Variants in NGEF observed in about 807,000 individuals in gnomAD.
NGEF encodes the protein neuronal guanine nucleotide exchange factor, also known as ephexin-1.
A neutral mutation model predicts 80.9 loss-of-function variants in NGEF; 31 were observed. The ratio of observed to expected loss-of-function variants is 0.38; its 90% confidence interval spans 0.29 to 0.52. The LOEUF is 0.52. NGEF is among the 20% of genes least tolerant of loss of function. The pLI, the probability that NGEF is intolerant of heterozygous loss-of-function variation, is 0.84. For synonymous variants in NGEF, 371 were observed against 370.2 expected (o/e 1.00, Z -0.03); for missense variants, 709 against 926.2 (o/e 0.77, Z 3.04).
intron 10 of NGEF, 53 bp downstream of exon 10, chr2:232,885,227 G>A (rs887113293): frequency 5.9e-6 from 9 of 1,517,946 alleles, no homozygotes; most frequent in South Asian, 2.3e-5. Context: ...CCTCTGGGGC[G>A]GGGCCAGGGG....
chr2:232,960,423 G>A (rs952539768), intron 3 of NGEF, among the ~76,000 whole-genome samples: 1 of 152,158 alleles, frequency 6.6e-6, no homozygotes, highest in Non-Finnish European at 1.5e-5. Flanking sequence ...CCTGTGGGCA[G>A]ATTCACAGGA....
intron 2 of NGEF, among the ~76,000 whole-genome samples, chr2:232,972,539 G>C: frequency 6.6e-6 from 1 of 152,132 alleles, no homozygotes; most frequent in Non-Finnish European, 1.5e-5. Context: ...CTGAACTCTA[G>C]CTCAGTCTGT....
intron 14 of NGEF, among the ~76,000 whole-genome samples, chr2:232,880,667 G>A (rs573239448): frequency 6.6e-6 from 1 of 152,242 alleles, no homozygotes; most frequent in South Asian, 2.1e-4. Context: ...ACTTCGCTTG[G>A]TACTGATGAC....
intron 3 of NGEF, among the ~76,000 whole-genome samples, chr2:232,955,443 A>T (rs1337775431): frequency 6.6e-6 from 1 of 152,202 alleles, no homozygotes. Flanking sequence ...GTCTAGGATC[A>T]TCATGGCAGC....
intron 2 of NGEF, among the ~76,000 whole-genome samples, chr2:232,974,350 G>A (rs1410753125): frequency 6.6e-6 from 1 of 152,144 alleles, no homozygotes; most frequent in Non-Finnish European, 1.5e-5. Flanking sequence ...AGCGAGGGGT[G>A]TTTTGCTGAG....
At chr2:232,907,012 C>T (rs1692577074) in intron 5 of NGEF, among the ~76,000 whole-genome samples, 1 of 151,348 alleles carries the variant, frequency 6.6e-6, no homozygotes, top group African/African-American at 2.4e-5. Context: ...TCACCACTCC[C>T]TAATCTCAAG....
intron 3 of NGEF, among the ~76,000 whole-genome samples, chr2:232,949,140 T>C (rs1408993394): frequency 6.6e-6 from 1 of 152,200 alleles, no homozygotes; most frequent in East Asian, 1.9e-4. Context: ...AGAACTTTGC[T>C]GATCACTGCC....
At chr2:232,972,617 T>C (rs1694216332) in intron 2 of NGEF, among the ~76,000 whole-genome samples, 1 of 152,172 alleles carries the variant, frequency 6.6e-6, no homozygotes, top group African/African-American at 2.4e-5. Flanking sequence ...GTTTATTTTT[T>C]GATCTGTAAA....
At chr2:233,007,677 G>A (rs983006973) in intron 1 of NGEF, among the ~76,000 whole-genome samples, 1 of 152,184 alleles carries the variant, frequency 6.6e-6, no homozygotes, top group Admixed American at 6.6e-5. Flanking sequence ...ACACAGCCTA[G>A]ATGAGCCTGT....
Position 232,887,027 on chromosome 2 carries a change from G to T in NGEF, c.1347+1006C>A, listed in dbSNP as rs184993362. 2.0e-4 allele frequency among the ~76,000 whole-genome samples: 30 copies of T among 152,360 alleles called. 1 individual carries two copies. In the East Asian group the frequency reaches 4.6e-3, roughly 24 times the overall value. Reference sequence around the variant, plus strand: ...GGGACAGGAGGAGTGGCCCGAGGTGGGAACCGACTGCAATAGGGTAGGAAG... The same window carrying T: ...GGGACAGGAGGAGTGGCCCGAGGTGTGAACCGACTGCAATAGGGTAGGAAG... On this transcript the variant is annotated intron_variant, in intron 9 of 14. Coordinates refer to ENST00000264051, the MANE Select transcript of NGEF (RefSeq NM_019850.3).
chr2:232,941,362 A>G (rs1029791404), intron 3 of NGEF, among the ~76,000 whole-genome samples: 1 of 152,214 alleles, frequency 6.6e-6, no homozygotes, highest in African/African-American at 2.4e-5. Flanking sequence ...TAGTGCTGCA[A>G]AGGCAGTCTA....
chr2:232,999,846 T>C (rs1376707332), intron 1 of NGEF, among the ~76,000 whole-genome samples: 2 of 152,358 alleles, frequency 1.3e-5, no homozygotes, highest in Admixed American at 6.5e-5. Context: ...ATTCTAGTCA[T>C]TGGGTCATTT....
chr2:232,886,761 G>T (rs556146106), intron 9 of NGEF, among the ~76,000 whole-genome samples: 1 of 152,260 alleles, frequency 6.6e-6, no homozygotes, highest in Non-Finnish European at 1.5e-5. Flanking sequence ...GGGCACGTGG[G>T]CCCCTCACGG....
At position 232,970,226 on chromosome 2, in the gene NGEF, G is replaced by A. The variant is rs1490826296; in HGVS notation, c.371C>T (p.Ala124Val). ...CRTAMQTDPG[A>V]QEMSESSSTP... is the part of the protein sequence containing the mutation. ...TGCCATCTCTTACCTCATTTCCTGGGCTCCTGGGTCTGTCTGCATTGCTGT... is the reference window on the plus strand; with the variant it reads ...TGCCATCTCTTACCTCATTTCCTGGACTCCTGGGTCTGTCTGCATTGCTGT... The change falls in exon 3 of 15, where the codon GCC becomes GTC. Residue 124 changes from alanine to valine, a missense_variant. Transcript: ENST00000264051. 6.3e-7 allele frequency: 1 copy of A among 1,584,056 alleles called. No homozygotes were observed. The highest frequency in any genetic ancestry group is 8.6e-7 in the Non-Finnish European group (1 of 1,168,074).
chr2:232,887,555 A>G (rs776572941), intron 9 of NGEF, among the ~76,000 whole-genome samples: 1 of 152,068 alleles, frequency 6.6e-6, no homozygotes. Flanking sequence ...GGGCACAGGG[A>G]AAGTGGGAAC....
At chr2:232,951,106 G>A (rs1428360188) in intron 3 of NGEF, among the ~76,000 whole-genome samples, 1 of 152,158 alleles carries the variant, frequency 6.6e-6, no homozygotes, top group Admixed American at 6.5e-5. Context: ...GGAAAGGTGT[G>A]AAGACAACCA....
At chr2:232,941,030 G>C (rs1360360903) in intron 3 of NGEF, among the ~76,000 whole-genome samples, 1 of 152,154 alleles carries the variant, frequency 6.6e-6, no homozygotes, top group African/African-American at 2.4e-5. Flanking sequence ...ACTCAAATCA[G>C]TCTCCTGGAG....
rs189919858 is a variant in NGEF at position 232,907,207 on chromosome 2, G to A, written c.829-12291C>T. ...AAAAAAGAAAAAAAAAAAAAAAGGA[G>A]GAAAACATACTATAGCATTTTGTTC... On this transcript the variant is annotated intron_variant, in intron 5 of 14. Coordinates refer to ENST00000264051, the MANE Select transcript of NGEF (RefSeq NM_019850.3). Among the ~76,000 whole-genome samples the A allele has an allele frequency of 6.0e-3, 834 of 138,006 alleles. 8 individuals are homozygous for A. The highest frequency in any genetic ancestry group is 0.021 in the African/African-American group (775 of 37,472). The allele number at this position is 138,006 out of a possible 152,430, so 90.5% of individuals were successfully genotyped here.
chr2:233,009,286 C>G (rs948570473), intron 1 of NGEF, among the ~76,000 whole-genome samples: 1 of 152,172 alleles, frequency 6.6e-6, no homozygotes, highest in African/African-American at 2.4e-5. Flanking sequence ...ATATGTCTTT[C>G]TATGCTTGGT....
Sources: gnomAD v4.1 joint callset for allele counts (sites outside exome capture counted in the v4.1 genomes callset) on GRCh38, gnomAD v4.1.1 for gene constraint, MANE v1.5 for transcripts, NCBI Gene and HGNC (gene_info 2026-07-23, HGNC 2026-07-21) for gene names.